UVRAG: variants seen among roughly 807,000 people sequenced by gnomAD.
UVRAG encodes the protein UV radiation resistance associated, also known as UV radiation resistance-associated gene protein.
Under a neutral mutation model 78.0 loss-of-function variants are expected in UVRAG, and 19 were observed. That is an observed-to-expected ratio of 0.24 (90% CI 0.17 to 0.36). The LOEUF (loss-of-function observed/expected upper bound fraction) is 0.36. UVRAG is among the 10% of genes least tolerant of loss of function. The pLI, the probability that UVRAG is intolerant of heterozygous loss-of-function variation, is 1.00. For missense variants in UVRAG, 740 were observed against 853.8 expected (o/e 0.87, Z 1.66); for synonymous variants, 323 against 324.6 (o/e 1.00, Z 0.05).
chr11:75,944,260 G>A (rs752960465), intron 6 of UVRAG, among the ~76,000 whole-genome samples: 2 of 152,072 alleles, frequency 1.3e-5, no homozygotes, highest in Non-Finnish European at 2.9e-5. Context: ...CTCCTTTAAT[G>A]AGCCTTTCCC....
At chr11:76,009,011 C>A in intron 11 of UVRAG, 144 bp downstream of exon 11, 1 of 459,350 alleles carries the variant, frequency 2.2e-6, no homozygotes, top group Non-Finnish European at 4.0e-6. Flanking sequence ...ATATCAGACT[C>A]CTTGATGGGA....
intron 12 of UVRAG, among the ~76,000 whole-genome samples, chr11:76,035,388 T>C (rs1299821884): frequency 6.6e-6 from 1 of 152,206 alleles, no homozygotes; most frequent in African/African-American, 2.4e-5. Flanking sequence ...AAATGATAGA[T>C]AGTATTCCTT....
intron 1 of UVRAG, among the ~76,000 whole-genome samples, chr11:75,843,845 G>A (rs928985475): frequency 7.2e-5 from 11 of 151,858 alleles, no homozygotes; most frequent in Non-Finnish European, 1.3e-4. Context: ...TGTAGTTCCA[G>A]CAACTCAGGA....
At chr11:76,092,239 G>A (rs1212403573) in intron 13 of UVRAG, among the ~76,000 whole-genome samples, 2 of 152,070 alleles carry the variant, frequency 1.3e-5, no homozygotes, top group Non-Finnish European at 2.9e-5. Flanking sequence ...GTCTATCATT[G>A]ATGGACATTT....
At chr11:76,065,890 C>A (rs1951175570) in intron 13 of UVRAG, 102 bp downstream of exon 13, 1 of 999,818 alleles carries the variant, frequency 1.0e-6, no homozygotes, top group Non-Finnish European at 1.5e-6. Flanking sequence ...AGTTGACCCT[C>A]GCATTTAACC....
intron 1 of UVRAG, among the ~76,000 whole-genome samples, chr11:75,824,838 T>C (rs377446849): frequency 1.6e-4 from 25 of 151,788 alleles, no homozygotes; most frequent in African/African-American, 5.3e-4. Context: ...CACGCCCGGC[T>C]AATTTTTTGT....
At chr11:75,994,005 C>A (rs1192705426) in intron 8 of UVRAG, among the ~76,000 whole-genome samples, 4 of 152,140 alleles carry the variant, frequency 2.6e-5, no homozygotes, top group Non-Finnish European at 5.9e-5. Context: ...TGGCATTAAG[C>A]CATTTGTGAG....
chr11:75,876,544 T>A (rs1472658283), intron 3 of UVRAG, among the ~76,000 whole-genome samples: 1 of 152,238 alleles, frequency 6.6e-6, no homozygotes, highest in Non-Finnish European at 1.5e-5. Flanking sequence ...AGTGGAATTC[T>A]GTTGATCTTA....
At chr11:75,901,433 A>G (rs1293175517) in intron 5 of UVRAG, among the ~76,000 whole-genome samples, 1 of 152,194 alleles carries the variant, frequency 6.6e-6, no homozygotes, top group East Asian at 1.9e-4. Flanking sequence ...CTAGATTTCC[A>G]TGTATCTAAA....
In UVRAG at chr11:75,859,091, T is replaced by C. The variant is rs186661808; in HGVS notation, c.236-2655T>C. ...CTTGAATGATATCTTTTTGAAAATT[T>C]AGGCTGGGTGTGGTGGCTCACGCCT... On this transcript the variant is annotated intron_variant, in intron 2 of 14. Transcript: ENST00000356136. Among the ~76,000 whole-genome samples, 174 of 152,190 alleles carry C rather than the reference T, an allele frequency of 1.1e-3. 1 individual carries two copies. Among genetic ancestry groups the C allele is most frequent in the African/African-American group, 3.9e-3 (162 of 41,556 alleles).
intron 13 of UVRAG, among the ~76,000 whole-genome samples, chr11:76,083,661 G>C (rs926522491): frequency 2.6e-5 from 4 of 152,168 alleles, no homozygotes; most frequent in African/African-American, 9.7e-5. Context: ...AGCTAACCGG[G>C]AAGAGGAAAT....
chr11:75,941,044 A>G (rs1426063898), intron 6 of UVRAG, among the ~76,000 whole-genome samples: 2 of 152,160 alleles, frequency 1.3e-5, no homozygotes, highest in African/African-American at 4.8e-5. Context: ...AAAAAAAAAA[A>G]TGAGGCAGTT....
At chr11:75,841,498 TTTTG>T (rs1157040251) in intron 1 of UVRAG, among the ~76,000 whole-genome samples, 4 of 151,988 alleles carry the variant, frequency 2.6e-5, no homozygotes, top group Admixed American at 6.6e-5. Flanking sequence ...TTTCTTGCTC[TTTTG>T]TTTGTTTTAT....
At chr11:75,971,691 C>CTT (rs370869099) in intron 7 of UVRAG, among the ~76,000 whole-genome samples, 1 of 145,432 alleles carries the variant, frequency 6.9e-6, no homozygotes, top group African/African-American at 2.5e-5. Flanking sequence ...TGTTCATTTT[C>CTT]TTTTTTTTTT....
intron 14 of UVRAG, among the ~76,000 whole-genome samples, chr11:76,119,124 G>A (rs775832014): frequency 6.6e-6 from 1 of 152,018 alleles, no homozygotes. Context: ...GGTGCCTACC[G>A]AATTCTAAAC....
rs1555079764 is a variant in UVRAG at position 75,878,900 on chromosome 11, A to AGGGACG, written c.271-975_271-974insCGGGGA. ...GGGGAGACGGGACAGGGACAGGGAC[A>AGGGACG]GGGAGGGGGAGGGGGAGGGAGAGGG... On this transcript the variant is annotated intron_variant, in intron 3 of 14. Coordinates refer to ENST00000356136, the MANE Select transcript of UVRAG (RefSeq NM_003369.4). 6.5e-3 allele frequency among the ~76,000 whole-genome samples: 532 copies of AGGGACG among 81,392 alleles called. 5 individuals carry two copies. Among genetic ancestry groups the AGGGACG allele is most frequent in the African/African-American group, 0.022 (503 of 22,612 alleles). The allele number at this position is 81,392 out of a possible 152,430, so 53.4% of individuals were successfully genotyped here. A position where few individuals can be genotyped will look rare whatever the true frequency, so the allele number is the denominator to read the frequency against.
intron 6 of UVRAG, chr11:75,916,817 T>C (rs1027867930): frequency 1.3e-5 from 2 of 152,164 alleles, no homozygotes; most frequent in African/African-American, 4.8e-5. Flanking sequence ...GTCTAAGCTG[T>C]CTTCTTGTGC....
At chr11:75,846,433 T>C (rs1946034952) in intron 1 of UVRAG, among the ~76,000 whole-genome samples, 1 of 152,222 alleles carries the variant, frequency 6.6e-6, no homozygotes, top group South Asian at 2.1e-4. Context: ...TTATGAATTA[T>C]GCCTTTGGTG....
At chr11:76,112,725 C>CTT in intron 13 of UVRAG, among the ~76,000 whole-genome samples, 1 of 139,812 alleles carries the variant, frequency 7.2e-6, no homozygotes, top group African/African-American at 3.1e-5. Flanking sequence ...TTTCTTTTTT[C>CTT]TTTTCTTTTT....
Sources: allele counts gnomAD v4.1 joint callset (sites outside exome capture counted in the v4.1 genomes callset), GRCh38; gene constraint gnomAD v4.1.1; transcripts MANE v1.5; gene names NCBI Gene and HGNC (gene_info 2026-07-23, HGNC 2026-07-21).